Variants in CEACAM16 observed in about 807,000 individuals in gnomAD.
CEACAM16 encodes the protein CEA cell adhesion molecule 16, tectorial membrane component.
A neutral mutation model predicts 39.4 loss-of-function variants in CEACAM16; 30 were observed. The ratio of observed to expected loss-of-function variants is 0.76; its 90% confidence interval spans 0.57 to 1.03. CEACAM16 has a LOEUF of 1.03. Among genes scored for constraint, CEACAM16 ranks in the 50% least tolerant of loss-of-function variants. The pLI, the probability that CEACAM16 is intolerant of heterozygous loss-of-function variation, is 0.00. For missense variants in CEACAM16, 521 were observed against 585.3 expected (o/e 0.89, Z 1.13); for synonymous variants, 262 against 264.9 (o/e 0.99, Z 0.11).
chr19:44,710,406 C>A, intron 6 of CEACAM16, 90 bp from the exon 7 acceptor site: 2 of 1,456,576 alleles, frequency 1.4e-6, no homozygotes, highest in Non-Finnish European at 1.9e-6. Flanking sequence ...CCGGGGTGGG[C>A]AGGGGAGCAG....
At chr19:44,709,008 GAAACTATGCCTCCTCCATCAGACTA>G in intron 6 of CEACAM16, among the ~76,000 whole-genome samples, 1 of 152,088 alleles carries the variant, frequency 6.6e-6, no homozygotes, top group South Asian at 2.1e-4. Flanking sequence ...TCTAGAGTCA[GAAACTATGCCTCCTCCATCAGACTA>G]GGAGCTCCCA....
chr19:44,707,748 AG>A (rs1160100725), intron 5 of CEACAM16, 112 bp from the exon 6 acceptor site: 2 of 900,920 alleles, frequency 2.2e-6, no homozygotes, highest in African/African-American at 1.7e-5. Flanking sequence ...TCTCCTTCCC[AG>A]CACCCTACAT....
At chr19:44,700,344 G>C (rs938379043) in intron 1 of CEACAM16, among the ~76,000 whole-genome samples, 1 of 151,988 alleles carries the variant, frequency 6.6e-6, no homozygotes, top group Non-Finnish European at 1.5e-5. Context: ...CGCCATGTTG[G>C]TCAGGCTGGT....
chr19:44,709,863 C>T (rs111777935), intron 6 of CEACAM16, among the ~76,000 whole-genome samples: 7 of 150,264 alleles, frequency 4.7e-5, no homozygotes, highest in African/African-American at 1.7e-4. Flanking sequence ...CATGTCTCCT[C>T]CATCAGACTG....
chr19:44,702,132 A>T (rs1974356890), intron 2 of CEACAM16, among the ~76,000 whole-genome samples: 1 of 152,058 alleles, frequency 6.6e-6, no homozygotes, highest in Non-Finnish European at 1.5e-5. Context: ...ATCTCTACTA[A>T]AATACAAAAA....
intron 5 of CEACAM16, among the ~76,000 whole-genome samples, chr19:44,707,430 C>G (rs547800858): frequency 6.6e-6 from 1 of 152,200 alleles, no homozygotes; most frequent in African/African-American, 2.4e-5. Context: ...GATGGAGGAG[C>G]TATGGCTTAC....
At chr19:44,699,439 T>C in intron 1 of CEACAM16, 179 bp downstream of exon 1, 1 of 468,904 alleles carries the variant, frequency 2.1e-6, no homozygotes, top group South Asian at 1.6e-5. Context: ...TACTTTTTTT[T>C]TTTTGAGATG....
At chr19:44,706,762 G>C (rs1288136152) in intron 5 of CEACAM16, among the ~76,000 whole-genome samples, 1 of 152,212 alleles carries the variant, frequency 6.6e-6, no homozygotes, top group African/African-American at 2.4e-5. Context: ...GTCCAAGAAG[G>C]GGGGTGTCCA....
rs1244322147 is a variant in CEACAM16 at position 44,699,181 on chromosome 19, G to A, written c.-176G>A. 2 of 518,610 alleles carry A rather than the reference G, an allele frequency of 3.9e-6. No homozygotes were observed. The highest frequency in any genetic ancestry group is 2.1e-5 in the Admixed American group (1 of 48,418). The allele number at this position is 518,610 out of a possible 1,614,324, so 32.1% of individuals were successfully genotyped here. ...TCCTCAGCGCCTAGAACAGCACCTGGCAAACAATAGGTGCTCATTCAGTAT... is the reference window on the plus strand; with the variant it reads ...TCCTCAGCGCCTAGAACAGCACCTGACAAACAATAGGTGCTCATTCAGTAT... On this transcript the variant is annotated 5_prime_UTR_variant, in exon 1 of 7. Transcript: ENST00000587331.
At position 44,703,530 on chromosome 19, in the gene CEACAM16, C is replaced by G. The variant is rs534225927; in HGVS notation, c.219C>G (p.Gly73=). 1.2e-6 allele frequency: 2 copies of G among 1,613,564 alleles called. No homozygotes were observed. Among genetic ancestry groups the G allele is most frequent in the Non-Finnish European group, 1.7e-6 (2 of 1,179,852 alleles). The change falls in exon 3 of 7, where the codon GGC becomes GGG. Residue 73 remains glycine, a synonymous_variant. Coordinates refer to ENST00000587331, the MANE Select transcript of CEACAM16 (RefSeq NM_001039213.4). ...YLVASYIVST[G]DETPGPAHTG... ...TGGCCAGCTACATCGTGAGCACAGGCGATGAGACTCCTGGCCCGGCCCACA... is the reference window on the plus strand; with the variant it reads ...TGGCCAGCTACATCGTGAGCACAGGGGATGAGACTCCTGGCCCGGCCCACA...
At chr19:44,700,891 C>A (rs1974334361) in intron 1 of CEACAM16, among the ~76,000 whole-genome samples, 2 of 152,204 alleles carry the variant, frequency 1.3e-5, no homozygotes, top group Admixed American at 1.3e-4. Context: ...CTGCAGGAAC[C>A]CGGACAAGTG....
Position 44,703,701 on chromosome 19 carries a change from AC to A in CEACAM16, c.382+14del. ...GACACGTGCAGGTCCATGGTGAGACACCCCCCAACACCCGCCTCTGCCCCAG... is the reference window on the plus strand; with the variant it reads ...GACACGTGCAGGTCCATGGTGAGACACCCCCAACACCCGCCTCTGCCCCAG... On this transcript the variant is annotated intron_variant, in intron 3 of 6. Coordinates refer to ENST00000587331, the MANE Select transcript of CEACAM16 (RefSeq NM_001039213.4). 3 of 1,452,026 alleles carry A rather than the reference AC, an allele frequency of 2.1e-6. No homozygotes were observed. The highest frequency in any genetic ancestry group is 2.4e-5 in the Admixed American group (1 of 41,580). 89.9% of individuals were successfully genotyped at this position (1,452,026 alleles called of 1,614,324 possible).
chr19:44,699,629 G>A (rs1233507416), intron 1 of CEACAM16, among the ~76,000 whole-genome samples: 2 of 151,916 alleles, frequency 1.3e-5, no homozygotes, highest in East Asian at 3.9e-4. Flanking sequence ...CACCCACCTC[G>A]GCCTCCCAAA....
In CEACAM16 at chr19:44,708,294, A is replaced by T; in HGVS notation, c.1267+107A>T. On this transcript the variant is annotated intron_variant, in intron 6 of 6. Transcript: ENST00000587331. ...GGGGGGACATAGACCAAAGATGGAT[A>T]CCCATCCCCCATCAGGCTGAAGGAA... 12 of 1,141,360 alleles carry T rather than the reference A, an allele frequency of 1.1e-5. No homozygotes were observed. The South Asian group carries it at 1.9e-4, about 18-fold the overall frequency. 70.7% of individuals were successfully genotyped at this position (1,141,360 alleles called of 1,614,324 possible). A position where few individuals can be genotyped will look rare whatever the true frequency, so the allele number is the denominator to read the frequency against.
At position 44,705,459 on chromosome 19, in the gene CEACAM16, A is replaced by G. The variant is rs1974427522; in HGVS notation, c.662-131A>G. 8.2e-6 allele frequency: 7 copies of G among 853,296 alleles called. No homozygotes were observed. In the South Asian group the frequency reaches 1.5e-4, roughly 18 times the overall value. The allele number at this position is 853,296 out of a possible 1,614,324, so 52.9% of individuals were successfully genotyped here. On this transcript the variant is annotated intron_variant, in intron 4 of 6. Coordinates refer to ENST00000587331, the MANE Select transcript of CEACAM16 (RefSeq NM_001039213.4). ...CCTAGAACAAGTTAGAGTTAAGGCC[A>G]GAGCTTTTTTTCCCCTCCACTAGGC... is the stretch of plus-strand genomic sequence containing the variant.
chr19:44,708,371 T>A (rs1256869496), intron 6 of CEACAM16, among the ~76,000 whole-genome samples, 184 bp downstream of exon 6: 1 of 152,152 alleles, frequency 6.6e-6, no homozygotes, highest in Non-Finnish European at 1.5e-5. Flanking sequence ...GGGTTCTGCC[T>A]CTTCTATCAA....
chr19:44,705,825 G>C lies in CEACAM16; in HGVS notation c.897G>C (p.Lys299Asn). Reference sequence around the variant, plus strand: ...ACACATGTATTGCGAAGAACACCAAGACCCTGCTATCTGGATCTGCCTCAG... The same window carrying C: ...ACACATGTATTGCGAAGAACACCAACACCCTGCTATCTGGATCTGCCTCAG... The part of the protein sequence containing the change: ...GTYTCIAKNT[K>N]TLLSGSASVV... Residue 299 changes from lysine (K) to asparagine (N), a missense_variant, in exon 5 of 7, where the codon AAG becomes AAC. Physicochemically the swap from Lys to Asn is moderately conservative, Grantham distance 94. Transcript: ENST00000587331. 1.2e-6 allele frequency: 2 copies of C among 1,613,900 alleles called. No homozygotes were observed. Among genetic ancestry groups the C allele is most frequent in the Non-Finnish European group, 1.7e-6 (2 of 1,179,856 alleles).
Position 44,707,858 on chromosome 19 carries a change from C to A in CEACAM16, c.941-3C>A. 2 of 1,534,528 alleles carry A rather than the reference C, an allele frequency of 1.3e-6. No homozygotes were observed. The highest frequency in any genetic ancestry group is 2.3e-5 in the East Asian group (1 of 43,272). On this transcript the variant is annotated splice_region_variant and splice_polypyrimidine_tract_variant and intron_variant, in intron 5 of 6. Coordinates refer to ENST00000587331, the MANE Select transcript of CEACAM16 (RefSeq NM_001039213.4). ...TGACCCAGCCCGCTCGCTCTCTCCC[C>A]AGCTGCAGCAGTTGCCACGATGATC...
rs1436506798 is a variant in CEACAM16, at chr19:44,705,882, A to G, written c.940+14A>G. 6.2e-7 allele frequency: 1 copy of G among 1,604,492 alleles called. No individual in the cohort carries two copies. Among genetic ancestry groups the G allele is most frequent in the South Asian group, 1.1e-5 (1 of 90,678 alleles). ...TCAAGCTCTCTGGTGAGTCACCCCC[A>G]GCCTGACCACCCCCCAGTCCCCATG... On this transcript the variant is annotated intron_variant, in intron 5 of 6. Coordinates refer to ENST00000587331, the MANE Select transcript of CEACAM16 (RefSeq NM_001039213.4).
Sources: allele counts gnomAD v4.1 joint callset (sites outside exome capture counted in the v4.1 genomes callset), GRCh38; gene constraint gnomAD v4.1.1; transcripts MANE v1.5; gene names NCBI Gene and HGNC (gene_info 2026-07-23, HGNC 2026-07-21).